Variants in DLG2 observed in about 807,000 individuals in gnomAD.
The protein encoded by DLG2 is discs large MAGUK scaffold protein 2.
DLG2 carries 45 observed loss-of-function variants against 132.5 expected under a neutral mutation model. The observed-to-expected ratio is 0.34, with a 90% CI of 0.27 to 0.44. The LOEUF (loss-of-function observed/expected upper bound fraction) is 0.44. Among genes scored for constraint, DLG2 ranks in the 20% least tolerant of loss-of-function variants. The pLI is 1.00. For missense variants in DLG2, 1,045 were observed against 1,196.9 expected (o/e 0.87, Z 1.87); for synonymous variants, 424 against 419.6 (o/e 1.01, Z -0.13).
chr11:84,889,683 T>C (rs2088989694), intron 6 of DLG2, among the ~76,000 whole-genome samples: 2 of 152,200 alleles, frequency 1.3e-5, no homozygotes, highest in African/African-American at 4.8e-5. Flanking sequence ...ATAATTATTA[T>C]CGCTTTTTCT....
chr11:85,392,786 G>A (rs1339087690), intron 3 of DLG2, among the ~76,000 whole-genome samples: 1 of 152,106 alleles, frequency 6.6e-6, no homozygotes, highest in East Asian at 1.9e-4. Context: ...GAATGAAACT[G>A]GATCCTTGTC....
At chr11:85,124,185 T>C (rs1192131617) in intron 5 of DLG2, among the ~76,000 whole-genome samples, 6 of 152,256 alleles carry the variant, frequency 3.9e-5, no homozygotes, top group African/African-American at 1.4e-4. Context: ...GCTACTCCCC[T>C]TGTCTGGGAT....
chr11:84,831,769 A>G (rs774791944), intron 6 of DLG2, among the ~76,000 whole-genome samples: 46 of 151,656 alleles, frequency 3.0e-4, no homozygotes, highest in Non-Finnish European at 8.9e-5. Context: ...CTCATATTCA[A>G]CTGTTTCCCC....
chr11:84,510,617 A>G (rs531893208), intron 7 of DLG2, among the ~76,000 whole-genome samples: 20 of 152,322 alleles, frequency 1.3e-4, no homozygotes, highest in Middle Eastern at 6.8e-3. Flanking sequence ...ATCCAAATGT[A>G]TGTAATATAT....
At chr11:84,829,455 C>A (rs893324311) in intron 6 of DLG2, among the ~76,000 whole-genome samples, 1 of 151,786 alleles carries the variant, frequency 6.6e-6, no homozygotes, top group Middle Eastern at 3.4e-3. Flanking sequence ...CATTACAACT[C>A]TGGATAAACT....
chr11:83,925,649 T>C (rs1018920943), intron 15 of DLG2, among the ~76,000 whole-genome samples: 1 of 152,100 alleles, frequency 6.6e-6, no homozygotes, highest in Admixed American at 6.6e-5. Flanking sequence ...GACGATATAG[T>C]GCTTCACAGT....
chr11:84,297,297 A>G (rs1417014751), intron 7 of DLG2, among the ~76,000 whole-genome samples: 1 of 152,212 alleles, frequency 6.6e-6, no homozygotes, highest in Non-Finnish European at 1.5e-5. Context: ...CTAGGAACTT[A>G]CTAGATGAGA....
At position 84,284,910 on chromosome 11, in the gene DLG2, G is replaced by A. The variant is rs777630236; in HGVS notation, c.520-33619C>T. Among the ~76,000 whole-genome samples the A allele has an allele frequency of 9.1e-4, 139 of 152,118 alleles. 2 individuals carry two copies. The highest frequency in any genetic ancestry group is 2.8e-4 in the Non-Finnish European group (19 of 68,014). ...TGGCATATAACAAAGGACACCAAAG[G>A]TTTCTTAAATAAATAGGTGGACGTA... On this transcript the variant is annotated intron_variant, in intron 7 of 27. Coordinates refer to ENST00000376104, the MANE Select transcript of DLG2 (RefSeq NM_001142699.3).
At chr11:84,437,432 C>T (rs1225054180) in intron 7 of DLG2, 3 of 152,126 alleles carry the variant, frequency 2.0e-5, no homozygotes, top group Non-Finnish European at 4.4e-5. Context: ...AACCTGCGAC[C>T]CAGCTTCTTA....
chr11:84,185,992 A>G (rs1328234293), intron 8 of DLG2, among the ~76,000 whole-genome samples: 8 of 152,100 alleles, frequency 5.3e-5, no homozygotes, highest in Non-Finnish European at 7.4e-5. Context: ...TGTTATTCCA[A>G]TTGCCTGTGG....
intron 4 of DLG2, among the ~76,000 whole-genome samples, chr11:85,183,277 C>G (rs1399336890): frequency 5.3e-5 from 8 of 151,824 alleles, no homozygotes. Flanking sequence ...AGCTAAGGCT[C>G]TAAAATTCTG....
intron 11 of DLG2, among the ~76,000 whole-genome samples, chr11:84,042,653 G>A (rs1380676420): frequency 1.3e-5 from 2 of 151,818 alleles, no homozygotes; most frequent in Non-Finnish European, 2.9e-5. Context: ...TGTGCAGGGT[G>A]TGCAGGTTTG....
intron 6 of DLG2, among the ~76,000 whole-genome samples, chr11:84,767,638 T>G (rs2068623230): frequency 6.6e-6 from 1 of 152,026 alleles, no homozygotes; most frequent in African/African-American, 2.4e-5. Flanking sequence ...TTTTTTTTAT[T>G]AAGCTATGTG....
intron 17 of DLG2, among the ~76,000 whole-genome samples, chr11:83,812,104 G>C (rs1391782298): frequency 3.3e-5 from 5 of 152,086 alleles, no homozygotes; most frequent in Non-Finnish European, 7.4e-5. Context: ...TGTCTACTGA[G>C]CTGGAAACAC....
In DLG2 at chr11:83,849,356, G is replaced by A. The variant is rs141730193; in HGVS notation, c.1566-15586C>T. Among the ~76,000 whole-genome samples, 301 of 145,804 alleles carry A rather than the reference G, an allele frequency of 2.1e-3. 2 individuals are homozygous for A. The highest frequency in any genetic ancestry group is 1.9e-4 in the Non-Finnish European group (13 of 67,068). ...ATAAATAATAAACAAATAAAAAATT[G>A]CAAGCTCTTAATAGCCATTCAAATG... is the stretch of plus-strand genomic sequence containing the variant. On this transcript the variant is annotated intron_variant, in intron 16 of 27. Coordinates refer to ENST00000376104, the MANE Select transcript of DLG2 (RefSeq NM_001142699.3).
At chr11:85,084,776 G>C (rs1010101643) in intron 6 of DLG2, among the ~76,000 whole-genome samples, 1 of 152,162 alleles carries the variant, frequency 6.6e-6, no homozygotes, top group African/African-American at 2.4e-5. Flanking sequence ...ATTCAGAATA[G>C]AGACTGATTC....
intron 17 of DLG2, among the ~76,000 whole-genome samples, chr11:83,801,853 C>T (rs1382385082): frequency 1.3e-5 from 2 of 152,112 alleles, no homozygotes; most frequent in East Asian, 3.9e-4. Context: ...TGTAGATATT[C>T]AACAATATTC....
intron 4 of DLG2, among the ~76,000 whole-genome samples, chr11:85,228,967 G>A (rs2152636524): frequency 1.3e-5 from 2 of 148,972 alleles, no homozygotes; most frequent in East Asian, 3.9e-4. Flanking sequence ...CTTTTTTATT[G>A]GCTATTTTCC....
chr11:85,171,737 C>G (rs1299685248), intron 4 of DLG2, among the ~76,000 whole-genome samples: 1 of 152,184 alleles, frequency 6.6e-6, no homozygotes, highest in East Asian at 1.9e-4. Context: ...GGAAGGGCAG[C>G]CACCATCTCT....
Sources: gnomAD v4.1 joint callset for allele counts (sites outside exome capture counted in the v4.1 genomes callset) on GRCh38, gnomAD v4.1.1 for gene constraint, MANE v1.5 for transcripts, NCBI Gene and HGNC (gene_info 2026-07-23, HGNC 2026-07-21) for gene names.